Variants in DNAJB11 observed in about 807,000 individuals in gnomAD.
DNAJB11 encodes dnaJ homolog subfamily B member 11.
DNAJB11 carries 30 observed loss-of-function variants against 47.2 expected under a neutral mutation model. That is an observed-to-expected ratio of 0.64 (90% CI 0.48 to 0.86). The LOEUF is 0.86. Ranked by LOEUF, DNAJB11 falls within the 40% of genes least tolerant of loss-of-function variation. DNAJB11 has a pLI of 0.00. For synonymous variants in DNAJB11, 151 were observed against 159.9 expected (o/e 0.94, Z 0.42); for missense variants, 357 against 440.2 (o/e 0.81, Z 1.69).
intron 2 of DNAJB11, among the ~76,000 whole-genome samples, chr3:186,572,979 TCAAA>T (rs1257417142): frequency 6.6e-6 from 1 of 152,098 alleles, no homozygotes; most frequent in Non-Finnish European, 1.5e-5. Context: ...TTTACATAAA[TCAAA>T]CAGAGCACAG....
In DNAJB11 at chr3:186,581,414, G is replaced by C; in HGVS notation, c.500G>C (p.Arg167Pro). The change falls in exon 5 of 10, where the codon CGG (arginine) becomes CCG (proline). Residue 167 changes from arginine to proline, a missense_variant. Arg to Pro is a moderately radical substitution (Grantham distance 103). Coordinates refer to ENST00000265028, the MANE Select transcript of DNAJB11 (RefSeq NM_016306.6). ...KPVARQAPGK[R>P]KCNCRQEMRT... ...GTGGCAAGGCAGGCTCCTGGCAAACGGAAGTGCAATTGTCGGCAAGAGATG... is the reference window on the plus strand; with the variant it reads ...GTGGCAAGGCAGGCTCCTGGCAAACCGAAGTGCAATTGTCGGCAAGAGATG... 6.2e-7 allele frequency: 1 copy of C among 1,613,920 alleles called. No homozygotes were observed. The highest frequency in any genetic ancestry group is 8.5e-7 in the Non-Finnish European group (1 of 1,179,976).
At chr3:186,581,060 C>A in intron 4 of DNAJB11, 1 of 239,078 alleles carries the variant, frequency 4.2e-6, no homozygotes, top group Non-Finnish European at 8.2e-6. Flanking sequence ...TACTTTAACT[C>A]AGTAGCATTT....
At chr3:186,571,032 T>TTTTGGGGGGGGGGGGGGGGGGGGG in intron 1 of DNAJB11, 67 bp downstream of exon 1, 1 of 202,008 alleles carries the variant, frequency 5.0e-6, no homozygotes, top group Non-Finnish European at 1.0e-5. Flanking sequence ...TGGGAGGGGG[T>TTTTGGGGGGGGGGGGGGGGGGGGG]GGGGGAAGTG....
chr3:186,571,079 T>G, intron 1 of DNAJB11, 114 bp downstream of exon 1: 2 of 976,130 alleles, frequency 2.0e-6, no homozygotes, highest in South Asian at 1.6e-5. Flanking sequence ...GGGGCATCGC[T>G]GTGGGTTGGC....
chr3:186,581,642 G>C (rs964536309), intron 5 of DNAJB11, 129 bp downstream of exon 5: 2 of 1,091,092 alleles, frequency 1.8e-6, no homozygotes, highest in Non-Finnish European at 2.6e-6. Flanking sequence ...CAAAAGGATA[G>C]AGCAAAACAA....
At chr3:186,584,065 AC>A in intron 8 of DNAJB11, 89 bp downstream of exon 8, 1 of 906,196 alleles carries the variant, frequency 1.1e-6, no homozygotes, top group Non-Finnish European at 1.8e-6. Flanking sequence ...GTCATTGAGA[AC>A]CAGATGGACT....
At chr3:186,573,534 C>T (rs1424889456) in intron 2 of DNAJB11, among the ~76,000 whole-genome samples, 1 of 152,066 alleles carries the variant, frequency 6.6e-6, no homozygotes, top group Non-Finnish European at 1.5e-5. Context: ...TACAGCTGTG[C>T]ACCACCATGC....
chr3:186,585,253 T>C, intron 9 of DNAJB11, 91 bp from the exon 10 acceptor site: 1 of 1,051,310 alleles, frequency 9.5e-7, no homozygotes, highest in African/African-American at 1.6e-5. Context: ...TCATAAGGCC[T>C]TTTATGAGCT....
At position 186,570,872 on chromosome 3, in the gene DNAJB11, G is replaced by C; in HGVS notation, c.-26G>C. 2 of 1,596,592 alleles carry C rather than the reference G, an allele frequency of 1.3e-6. No individual in the cohort carries two copies. Among genetic ancestry groups the C allele is most frequent in the Non-Finnish European group, 1.7e-6 (2 of 1,171,328 alleles). ...GCGGAGGAGGCTGTGAGGAGTGTGT[G>C]GAACAGGACCCGGGACAGAGGAACC... On this transcript the variant is annotated 5_prime_UTR_variant, in exon 1 of 10. Coordinates refer to ENST00000265028, the MANE Select transcript of DNAJB11 (RefSeq NM_016306.6).
chr3:186,575,714 A>G, intron 2 of DNAJB11, 126 bp from the exon 3 acceptor site: 1 of 671,288 alleles, frequency 1.5e-6, no homozygotes, highest in South Asian at 1.9e-5. Context: ...TACAGTACAT[A>G]ATGGAAACTG....
At position 186,573,415 on chromosome 3, in the gene DNAJB11, C is replaced by T. The variant is rs374577528; in HGVS notation, c.225+1164C>T. ...TTTATTTTTTTTTGAGACAGAGTCTCGCTCTGTCTGCCAAGCTGGAGTAGA... is the reference window on the plus strand; with the variant it reads ...TTTATTTTTTTTTGAGACAGAGTCTTGCTCTGTCTGCCAAGCTGGAGTAGA... On this transcript the variant is annotated intron_variant, in intron 2 of 9. Coordinates refer to ENST00000265028, the MANE Select transcript of DNAJB11 (RefSeq NM_016306.6). Among the ~76,000 whole-genome samples the T allele has an allele frequency of 8.8e-4, 134 of 152,054 alleles. 4 individuals are homozygous for T. The South Asian group carries it at 0.026, about 29-fold the overall frequency.
intron 3 of DNAJB11, among the ~76,000 whole-genome samples, chr3:186,576,887 T>G (rs1715318253): frequency 6.6e-6 from 1 of 152,208 alleles, no homozygotes; most frequent in South Asian, 2.1e-4. Flanking sequence ...AGGGAATTCA[T>G]TCACCTGAGT....
In DNAJB11 at chr3:186,584,410, C is replaced by T; in HGVS notation, c.853-20C>T. On this transcript the variant is annotated intron_variant, in intron 8 of 9. Transcript: ENST00000265028. ...CAGATGTACCGCTCCTGCTGCAGTA[C>T]ATTCCCTTTGGTTTTCTAGGTACAT... 6.5e-7 allele frequency: 1 copy of T among 1,533,008 alleles called. No individual in the cohort carries two copies. The highest frequency in any genetic ancestry group is 8.7e-7 in the Non-Finnish European group (1 of 1,147,166). 95.0% of individuals were successfully genotyped at this position (1,533,008 alleles called of 1,614,324 possible). A position where few individuals can be genotyped will look rare whatever the true frequency, so the allele number is the denominator to read the frequency against.
In DNAJB11 at chr3:186,584,034, T is replaced by C. The variant is rs1715579059; in HGVS notation, c.852+58T>C. 4 of 1,251,564 alleles carry C rather than the reference T, an allele frequency of 3.2e-6. No homozygotes were observed. The South Asian group carries it at 4.8e-5, about 15-fold the overall frequency. 77.5% of individuals were successfully genotyped at this position (1,251,564 alleles called of 1,614,324 possible). A position where few individuals can be genotyped will look rare whatever the true frequency, so the allele number is the denominator to read the frequency against. Reference sequence around the variant, plus strand: ...TTTGAAGCCTTTATGTGGGTAGTTTTGAGATGTATCAGCTGTTTCAGTCAT... The same window carrying C: ...TTTGAAGCCTTTATGTGGGTAGTTTCGAGATGTATCAGCTGTTTCAGTCAT... On this transcript the variant is annotated intron_variant, in intron 8 of 9. Transcript: ENST00000265028.
intron 7 of DNAJB11, among the ~76,000 whole-genome samples, chr3:186,583,114 C>A (rs1463803736): frequency 2.0e-5 from 3 of 152,204 alleles, no homozygotes; most frequent in Non-Finnish European, 4.4e-5. Flanking sequence ...ATAGACAGAA[C>A]CTTCTACATA....
intron 7 of DNAJB11, among the ~76,000 whole-genome samples, chr3:186,583,539 C>G (rs560344500): frequency 6.6e-6 from 1 of 152,206 alleles, no homozygotes; most frequent in Non-Finnish European, 1.5e-5. Context: ...CTACAGCCAA[C>G]TTAGTCTTGT....
At chr3:186,582,129 T>C (rs770875769) in intron 6 of DNAJB11, 52 bp downstream of exon 6, 7 of 1,379,156 alleles carry the variant, frequency 5.1e-6, no homozygotes, top group South Asian at 2.4e-5. Context: ...TGCTCTCTGC[T>C]TGTTTGTGAA....
chr3:186,571,047 TG>T, intron 1 of DNAJB11, 82 bp downstream of exon 1: 1 of 1,181,366 alleles, frequency 8.5e-7, no homozygotes, highest in Non-Finnish European at 1.2e-6. Flanking sequence ...GAAGTGGCAT[TG>T]CCAGACTGAC....
intron 1 of DNAJB11, 82 bp from the exon 2 acceptor site, chr3:186,572,013 T>G: frequency 1.6e-6 from 2 of 1,274,086 alleles, no homozygotes; most frequent in Non-Finnish European, 2.1e-6. Flanking sequence ...CAAACCTAAA[T>G]GTAGAGGAAA....
Sources: allele counts gnomAD v4.1 joint callset (sites outside exome capture counted in the v4.1 genomes callset), GRCh38; gene constraint gnomAD v4.1.1; transcripts MANE v1.5; gene names NCBI Gene and HGNC (gene_info 2026-07-23, HGNC 2026-07-21).